The following AOX1 variants were observed in gnomAD, a reference collection of about 807,000 sequenced individuals.
AOX1 encodes aldehyde oxidase 1, also known as aldehyde oxidase.
Under a neutral mutation model 169.5 loss-of-function variants are expected in AOX1, and 153 were observed. The observed-to-expected ratio is 0.90, with a 90% CI of 0.79 to 1.03. The LOEUF is 1.03. Ranked by LOEUF, AOX1 falls within the 50% of genes least tolerant of loss-of-function variation. AOX1 has a pLI of 0.00. For missense variants in AOX1, 1,656 were observed against 1,663.9 expected, an observed-to-expected ratio of 1.00 and a Z score of 0.08; for synonymous variants, 562 against 581.9, an observed-to-expected ratio of 0.97 and a Z score of 0.49.
At chr2:200,644,167 T>C (rs1484850906) in intron 25 of AOX1, among the ~76,000 whole-genome samples, 1 of 152,202 alleles carries the variant, frequency 6.6e-6, no homozygotes, top group Non-Finnish European at 1.5e-5. Context: ...GATTTTCCAA[T>C]GTTATCTTCT....
intron 31 of AOX1, among the ~76,000 whole-genome samples, chr2:200,664,638 A>G (rs1414964112): frequency 1.3e-5 from 2 of 152,244 alleles, no homozygotes; most frequent in South Asian, 2.1e-4. Flanking sequence ...AGATGCCTTC[A>G]TAAAAGCTAA....
intron 27 of AOX1, 96 bp from the exon 28 acceptor site, chr2:200,659,069 G>A (rs879167519): frequency 6.7e-6 from 8 of 1,190,112 alleles, no homozygotes; most frequent in Non-Finnish European, 8.3e-6. Context: ...CCCTGTCATG[G>A]GTATGAGGGT....
intron 25 of AOX1, among the ~76,000 whole-genome samples, chr2:200,645,529 T>C (rs561066705): frequency 6.6e-6 from 1 of 152,312 alleles, no homozygotes; most frequent in East Asian, 1.9e-4. Flanking sequence ...TCTGTAGTTT[T>C]CTTTTTTGGT....
chr2:200,641,986 G>A (rs899123310), intron 24 of AOX1, among the ~76,000 whole-genome samples: 21 of 151,996 alleles, frequency 1.4e-4, no homozygotes, highest in Admixed American at 7.9e-4. Context: ...TACTAAAGCC[G>A]GGTATGGTGG....
chr2:200,603,458 G>A (rs2034454682), intron 7 of AOX1, 102 bp downstream of exon 7: 1 of 855,946 alleles, frequency 1.2e-6, no homozygotes, highest in Non-Finnish European at 1.9e-6. Context: ...ACTAACTTGA[G>A]GTATGTCAAC....
At position 200,670,616 on chromosome 2, in the gene AOX1, G is replaced by A. The variant is rs1482289329; in HGVS notation, c.3967-13G>A. 1 of 1,609,042 alleles carries A rather than the reference G, an allele frequency of 6.2e-7. No homozygotes were observed. Among genetic ancestry groups the A allele is most frequent in the African/African-American group, 1.3e-5 (1 of 74,830 alleles). ...TTCCCAGGTTTGAACATCCAGATTTGTTTTTATTTTAGATTCCGAGAGATG... is the reference window on the plus strand; with the variant it reads ...TTCCCAGGTTTGAACATCCAGATTTATTTTTATTTTAGATTCCGAGAGATG... On this transcript the variant is annotated splice_polypyrimidine_tract_variant and intron_variant, in intron 34 of 34. Transcript: ENST00000374700.
rs1302559310 is a variant in AOX1, at chr2:200,615,968, C to G, written c.1612-3C>G. 1 of 1,609,460 alleles carries G rather than the reference C, an allele frequency of 6.2e-7. No homozygotes were observed. The highest frequency in any genetic ancestry group is 1.3e-5 in the African/African-American group (1 of 74,832). On this transcript the variant is annotated splice_polypyrimidine_tract_variant and splice_region_variant and intron_variant, in intron 15 of 34. Coordinates refer to ENST00000374700, the MANE Select transcript of AOX1 (RefSeq NM_001159.4). ...AAATATCTGCAATGGTTCTACTTTT[C>G]AGGATCCAGTTCACTATCCTAGCCT...
In AOX1 at chr2:200,666,758, T is replaced by G; in HGVS notation, c.3609+6T>G. On this transcript the variant is annotated splice_donor_region_variant and intron_variant, in intron 32 of 34. Coordinates refer to ENST00000374700, the MANE Select transcript of AOX1 (RefSeq NM_001159.4). ...CAGCCATTGACATAGGCCAGGTACG[T>G]GTAACTGATGTGTCTCACTTTCTAT... The G allele has an allele frequency of 6.2e-7, 1 of 1,603,436 alleles. No homozygotes were observed. The highest frequency in any genetic ancestry group is 1.1e-5 in the South Asian group (1 of 89,060).
chr2:200,645,859 GT>G (rs2035444038), intron 25 of AOX1, among the ~76,000 whole-genome samples: 1 of 152,118 alleles, frequency 6.6e-6, no homozygotes, highest in South Asian at 2.1e-4. Flanking sequence ...TGTGCACAAA[GT>G]TGCTCATAGT....
At chr2:200,626,416 A>T (rs1218145967) in intron 19 of AOX1, among the ~76,000 whole-genome samples, 1 of 152,276 alleles carries the variant, frequency 6.6e-6, no homozygotes, top group Non-Finnish European at 1.5e-5. Context: ...ATGGAATTTC[A>T]TGGATGGACA....
chr2:200,659,786 T>TCTCACACACACA (rs373271043), intron 28 of AOX1, among the ~76,000 whole-genome samples: 31 of 96,216 alleles, frequency 3.2e-4, no homozygotes, highest in African/African-American at 1.1e-3. Flanking sequence ...GTTCTCTCTC[T>TCTCACACACACA]CACACACACA....
At chr2:200,676,367 AG>A (rs1161596241), downstream of AOX1, among the ~76,000 whole-genome samples, 1 of 152,066 alleles carries the variant, frequency 6.6e-6, no homozygotes, top group Non-Finnish European at 1.5e-5. Flanking sequence ...TGGGAGGCCG[AG>A]GTGGGCAGAT....
At position 200,663,599 on chromosome 2, in the gene AOX1, C is replaced by CCG. The variant is rs200963082; in HGVS notation, c.3543+631_3543+632insGC. ...TCTCTCTCTCTCTCTCTCTCTCTCC[C>CCG]CCTCTTTCTGTCTCTGTTGCTTCAA... On this transcript the variant is annotated intron_variant, in intron 31 of 34. Transcript: ENST00000374700. 3.3e-3 allele frequency among the ~76,000 whole-genome samples: 499 copies of CCG among 151,978 alleles called. 5 individuals are homozygous for CCG. Among genetic ancestry groups the CCG allele is most frequent in the African/African-American group, 0.012 (478 of 41,464 alleles).
chr2:200,674,484 G>T (rs567608543), downstream of AOX1, among the ~76,000 whole-genome samples: 1 of 152,182 alleles, frequency 6.6e-6, no homozygotes, highest in Non-Finnish European at 1.5e-5. Flanking sequence ...ATGGGCATAT[G>T]GAAGTGGCAT....
chr2:200,645,563 T>C (rs570682481), intron 25 of AOX1, among the ~76,000 whole-genome samples: 2 of 152,286 alleles, frequency 1.3e-5, no homozygotes, highest in African/African-American at 2.4e-5. Flanking sequence ...GGTTTTGTTA[T>C]TAGGGTGATG....
chr2:200,641,387 C>G (rs574244170), intron 24 of AOX1, among the ~76,000 whole-genome samples: 3 of 152,234 alleles, frequency 2.0e-5, no homozygotes, highest in Admixed American at 6.5e-5. Flanking sequence ...TGTTACCCCC[C>G]GGCTTCCCAT....
chr2:200,657,212 C>G (rs1242154506), intron 27 of AOX1, among the ~76,000 whole-genome samples: 2 of 83,472 alleles, frequency 2.4e-5, no homozygotes, highest in Admixed American at 1.5e-4. Flanking sequence ...TTTTAATTAG[C>G]AGGGCATGGT....
chr2:200,616,177 C>G, intron 16 of AOX1, 114 bp downstream of exon 16: 1 of 724,868 alleles, frequency 1.4e-6, no homozygotes, highest in Non-Finnish European at 2.4e-6. Context: ...AGCTCCACTT[C>G]TGGTAAACTC....
chr2:200,642,623 G>T lies in AOX1; in HGVS notation c.2669G>T (p.Gly890Val). Residue 890 changes from glycine to valine, a missense_variant, in exon 25 of 35, where the codon GGA becomes GTA. Physicochemically the swap from Gly to Val is moderately radical, Grantham distance 109 (BLOSUM62 -3). Transcript: ENST00000374700. ...LDESLFVIEM[G>V]LLKMDNAYKF... Reference sequence around the variant, plus strand: ...GGATTTCTCCAGGTGATAGAAATGGGACTTCTGAAAATGGACAATGCTTAC... The same window carrying T: ...GGATTTCTCCAGGTGATAGAAATGGTACTTCTGAAAATGGACAATGCTTAC... 1 of 1,614,024 alleles carries T rather than the reference G, an allele frequency of 6.2e-7. No homozygotes were observed. Among genetic ancestry groups the T allele is most frequent in the Non-Finnish European group, 8.5e-7 (1 of 1,179,958 alleles).
Sources: gnomAD v4.1 joint callset for allele counts (sites outside exome capture counted in the v4.1 genomes callset) on GRCh38, gnomAD v4.1.1 for gene constraint, MANE v1.5 for transcripts, NCBI Gene and HGNC (gene_info 2026-07-23, HGNC 2026-07-21) for gene names.